Variants in MAPK8IP3 observed in about 807,000 individuals in gnomAD.
The protein encoded by MAPK8IP3 is mitogen-activated protein kinase 8 interacting protein 3.
In MAPK8IP3, 49 loss-of-function variants were observed where a neutral mutation model predicts 157.8. The observed-to-expected ratio is 0.31, with a 90% confidence interval of 0.25 to 0.39. The LOEUF (loss-of-function observed/expected upper bound fraction) is 0.39, where lower values mean the gene tolerates loss of function less well. Ranked by LOEUF, MAPK8IP3 falls within the 10% of genes least tolerant of loss-of-function variation. MAPK8IP3 has a pLI of 1.00. For synonymous variants in MAPK8IP3, 897 were observed against 777.7 expected, an observed-to-expected ratio of 1.15 and a Z score of -2.55; for missense variants, 1,478 against 1,889.4, an observed-to-expected ratio of 0.78 and a Z score of 4.04.
intron 5 of MAPK8IP3, chr16:1,744,019 G>T: frequency 2.0e-6 from 2 of 992,482 alleles, no homozygotes; most frequent in Non-Finnish European, 2.4e-6. Context: ...AGAAAGCAGA[G>T]CCTCGCCCCA....
At chr16:1,753,854 GA>G (rs1020931565) in intron 8 of MAPK8IP3, among the ~76,000 whole-genome samples, 14 of 151,684 alleles carry the variant, frequency 9.2e-5, no homozygotes, top group South Asian at 2.1e-4. Context: ...TTAACATGAG[GA>G]AAAAAATGTA....
chr16:1,728,535 A>G (rs938228718), intron 2 of MAPK8IP3, among the ~76,000 whole-genome samples: 1 of 152,120 alleles, frequency 6.6e-6, no homozygotes, highest in Non-Finnish European at 1.5e-5. Context: ...AACTCCCAAC[A>G]GAGCTGAGTG....
chr16:1,763,076 C>T (rs1299274452), intron 16 of MAPK8IP3, 70 bp downstream of exon 16: 6 of 1,582,022 alleles, frequency 3.8e-6, no homozygotes, highest in African/African-American at 1.3e-5. Context: ...AGGCTCCTCC[C>T]CTCCAGGCCC....
chr16:1,764,267 C>T lies in MAPK8IP3; in HGVS notation c.2122-34C>T, dbSNP rs769253077. 26 of 1,589,078 alleles carry T rather than the reference C, an allele frequency of 1.6e-5. 1 individual carries two copies. The South Asian group carries it at 2.8e-4, about 17-fold the overall frequency. Reference sequence around the variant, plus strand: ...TGGGCGAGCGGGAGGCTGGGGAGTGCCGGTGACACCCGACCTCGGCCCTGC... The same window carrying T: ...TGGGCGAGCGGGAGGCTGGGGAGTGTCGGTGACACCCGACCTCGGCCCTGC... On this transcript the variant is annotated intron_variant, in intron 18 of 31. Coordinates refer to ENST00000610761, the MANE Select transcript of MAPK8IP3 (RefSeq NM_001318852.2).
At chr16:1,729,829 C>T (rs1264336016) in intron 4 of MAPK8IP3, among the ~76,000 whole-genome samples, 1 of 152,110 alleles carries the variant, frequency 6.6e-6, no homozygotes, top group African/African-American at 2.4e-5. Flanking sequence ...ACAATTCAGT[C>T]AGGGAGGCCC....
At chr16:1,722,744 G>A (rs923960785) in intron 1 of MAPK8IP3, among the ~76,000 whole-genome samples, 3 of 151,152 alleles carry the variant, frequency 2.0e-5, no homozygotes, top group Admixed American at 6.6e-5. Flanking sequence ...TCGCTCTGTC[G>A]CCCAGGCTGG....
intron 2 of MAPK8IP3, 38 bp from the exon 3 acceptor site, chr16:1,729,100 G>A: frequency 6.3e-7 from 1 of 1,590,448 alleles, no homozygotes; most frequent in Non-Finnish European, 8.6e-7. Context: ...CCATGGAGAA[G>A]CGTCTTGTGC....
At chr16:1,749,951 C>T (rs753135221) in intron 8 of MAPK8IP3, among the ~76,000 whole-genome samples, 3 of 152,056 alleles carry the variant, frequency 2.0e-5, no homozygotes, top group African/African-American at 4.8e-5. Context: ...CCATGTTAAC[C>T]GAGTTGAAGT....
chr16:1,768,867 A>G lies in MAPK8IP3; in HGVS notation c.*43A>G. The G allele has an allele frequency of 6.3e-7, 1 of 1,599,188 alleles. No homozygotes were observed. Among genetic ancestry groups the G allele is most frequent in the Non-Finnish European group, 8.5e-7 (1 of 1,173,502 alleles). ...GCCCGACCTGTACATAGGACCCCCG[A>G]CCACCTGACCCCCGCCCGGCCCGCG... On this transcript the variant is annotated 3_prime_UTR_variant, in exon 32 of 32. Coordinates refer to ENST00000610761, the MANE Select transcript of MAPK8IP3 (RefSeq NM_001318852.2).
chr16:1,763,973 C>G (rs1258467048), intron 17 of MAPK8IP3, 142 bp from the exon 18 acceptor site: 1 of 1,057,134 alleles, frequency 9.5e-7, no homozygotes, highest in Non-Finnish European at 1.3e-6. Context: ...GAGAAGGAGC[C>G]CCGCGGCTCC....
intron 8 of MAPK8IP3, 71 bp downstream of exon 8, chr16:1,748,791 G>A (rs773380111): frequency 5.1e-6 from 7 of 1,365,414 alleles, no homozygotes; most frequent in Admixed American, 3.3e-5. Context: ...GGTTTTGTTT[G>A]TAATGAAAGG....
chr16:1,735,702 T>C (rs1275712032), intron 4 of MAPK8IP3, among the ~76,000 whole-genome samples: 216 of 129,892 alleles, frequency 1.7e-3, no homozygotes, highest in African/African-American at 3.9e-3. Context: ...TGTGTGCCTG[T>C]CCGTGTGAGC....
chr16:1,738,086 C>A (rs1476771677), intron 4 of MAPK8IP3, among the ~76,000 whole-genome samples: 1 of 76,814 alleles, frequency 1.3e-5, no homozygotes, highest in Non-Finnish European at 2.3e-5. Context: ...GAGAGTGTGA[C>A]CATCCATGTG....
chr16:1,736,207 A>AG (rs2039790457), intron 4 of MAPK8IP3, among the ~76,000 whole-genome samples: 1 of 72,216 alleles, frequency 1.4e-5, no homozygotes, highest in Non-Finnish European at 2.7e-5. Context: ...AGCATGTGTG[A>AG]CCATCCGTGT....
Position 1,768,220 on chromosome 16 carries a change from C to T in MAPK8IP3, c.3584C>T (p.Ser1195Phe), listed in dbSNP as rs1015602879. 31 of 1,612,408 alleles carry T rather than the reference C, an allele frequency of 1.9e-5. No individual in the cohort carries two copies. The highest frequency in any genetic ancestry group is 2.5e-5 in the Non-Finnish European group (30 of 1,179,934). The change falls in exon 30 of 32, where the codon TCT (serine) becomes TTT (phenylalanine). Residue 1195 changes from serine to phenylalanine, a missense_variant. Transcript: ENST00000610761. The stretch of plus-strand genomic sequence containing the variant: ...GCAGCCAATAAGACATCCCCCACCT[C>T]TGGGGAGGGCGCCCGTCCCGGGGGC... ...GLRANKTSPT[S>F]GEGARPGGII...
intron 1 of MAPK8IP3, among the ~76,000 whole-genome samples, chr16:1,722,321 G>A (rs1281979472): frequency 6.6e-6 from 1 of 152,090 alleles, no homozygotes; most frequent in Non-Finnish European, 1.5e-5. Context: ...GTGGTTTTCT[G>A]CCCTCTCAGT....
rs773067239 is a variant in MAPK8IP3, at chr16:1,764,107, C to A, written c.2026-8C>A. The A allele has an allele frequency of 1.9e-6, 3 of 1,602,182 alleles. No homozygotes were observed. The highest frequency in any genetic ancestry group is 2.7e-5 in the African/African-American group (2 of 74,734). ...TTCGTGCCCACGGCGCCTCCCTGCT[C>A]CCTGCAGCTGAGTCCCAACGGGGGC... On this transcript the variant is annotated splice_polypyrimidine_tract_variant and splice_region_variant and intron_variant, in intron 17 of 31. Coordinates refer to ENST00000610761, the MANE Select transcript of MAPK8IP3 (RefSeq NM_001318852.2).
intron 4 of MAPK8IP3, among the ~76,000 whole-genome samples, chr16:1,737,519 CGTGTGA>C (rs1274140916): frequency 2.6e-5 from 2 of 75,744 alleles, no homozygotes; most frequent in Admixed American, 1.6e-4. Flanking sequence ...TGTGACCGTC[CGTGTGA>C]GTGTGTGACC....
chr16:1,748,741 G>T (rs200305599), intron 8 of MAPK8IP3, 21 bp downstream of exon 8: 4 of 1,579,202 alleles, frequency 2.5e-6, no homozygotes, highest in Non-Finnish European at 2.6e-6. Context: ...GCCTTCCCCC[G>T]CACCGCTGTG....
Sources: gnomAD v4.1 joint callset for allele counts (sites outside exome capture counted in the v4.1 genomes callset) on GRCh38, gnomAD v4.1.1 for gene constraint, MANE v1.5 for transcripts, NCBI Gene and HGNC (gene_info 2026-07-23, HGNC 2026-07-21) for gene names.